Variants in RARB observed in about 807,000 individuals in gnomAD.
RARB encodes the protein HBV-activated protein.
Under a neutral mutation model 51.9 loss-of-function variants are expected in RARB, and 17 were observed. The observed-to-expected ratio is 0.33, with a 90% confidence interval of 0.22 to 0.49. RARB has a LOEUF of 0.49. Ranked by LOEUF, RARB falls within the 20% of genes least tolerant of loss-of-function variation. The pLI is 0.99. For missense variants in RARB, 369 were observed against 550.8 expected, an observed-to-expected ratio of 0.67 and a Z score of 3.30; for synonymous variants, 215 against 195.4, an observed-to-expected ratio of 1.10 and a Z score of -0.84.
At chr3:25,415,464 C>T (rs1707677995) in intron 5 of RARB, among the ~76,000 whole-genome samples, 1 of 152,084 alleles carries the variant, frequency 6.6e-6, no homozygotes, top group Non-Finnish European at 1.5e-5. Flanking sequence ...TTGGAAAATA[C>T]TATATTTTTC....
At chr3:25,248,369 G>T (rs1702620148) in intron 5 of RARB, among the ~76,000 whole-genome samples, 1 of 152,122 alleles carries the variant, frequency 6.6e-6, no homozygotes, top group Admixed American at 6.6e-5. Flanking sequence ...TTACATTCAA[G>T]ATTATTATTG....
Position 25,551,956 on chromosome 3 carries a change from C to A in RARB, c.449-17802C>A, listed in dbSNP as rs140413337. Reference sequence around the variant, plus strand: ...CTTTTTGAAGTTAGTTAGCTCAAGGCATTTTTTTTATAACCATGTTTCATA... The same window carrying A: ...CTTTTTGAAGTTAGTTAGCTCAAGGAATTTTTTTTATAACCATGTTTCATA... On this transcript the variant is annotated intron_variant, in intron 3 of 7. Transcript: ENST00000330688. Among the ~76,000 whole-genome samples, 4 of 152,260 alleles carry A rather than the reference C, an allele frequency of 2.6e-5. No individual in the cohort carries two copies. The East Asian group carries it at 7.7e-4, about 29-fold the overall frequency.
intron 4 of RARB, among the ~76,000 whole-genome samples, chr3:25,138,278 G>C (rs1413391032): frequency 6.6e-6 from 1 of 151,162 alleles, no homozygotes; most frequent in Non-Finnish European, 1.5e-5. Context: ...CCAGTTAGCT[G>C]TTTATATTTT....
chr3:25,509,354 A>G (rs1256380942), intron 3 of RARB, among the ~76,000 whole-genome samples: 1 of 152,208 alleles, frequency 6.6e-6, no homozygotes, highest in Non-Finnish European at 1.5e-5. Context: ...GTTGTCTGCT[A>G]CTGCTTCTTT....
At chr3:25,544,295 T>A (rs965336110) in intron 3 of RARB, among the ~76,000 whole-genome samples, 1 of 152,254 alleles carries the variant, frequency 6.6e-6, no homozygotes, top group Non-Finnish European at 1.5e-5. Context: ...ATTTATGTAT[T>A]CTTCTTAGCA....
intron 1 of RARB, among the ~76,000 whole-genome samples, chr3:25,456,201 G>T (rs1397600915): frequency 2.0e-5 from 3 of 152,140 alleles, no homozygotes; most frequent in African/African-American, 7.2e-5. Flanking sequence ...TAATTTAAAG[G>T]GACTAATAGA....
At chr3:25,238,216 C>A (rs1702349850) in intron 5 of RARB, among the ~76,000 whole-genome samples, 3 of 152,006 alleles carry the variant, frequency 2.0e-5, no homozygotes, top group Admixed American at 1.3e-4. Context: ...ATGAGATCCA[C>A]TTTTTTTAGT....
intron 2 of RARB, among the ~76,000 whole-genome samples, chr3:25,036,315 C>G (rs1181051875): frequency 1.3e-5 from 2 of 152,126 alleles, no homozygotes; most frequent in African/African-American, 4.8e-5. Context: ...AGCCATACCA[C>G]TAATCAGTAC....
At chr3:25,586,991 C>T (rs1470183227) in intron 5 of RARB, among the ~76,000 whole-genome samples, 3 of 152,172 alleles carry the variant, frequency 2.0e-5, no homozygotes, top group Non-Finnish European at 2.9e-5. Flanking sequence ...GCCAGTGTAG[C>T]GGTTAAGAGG....
intron 5 of RARB, among the ~76,000 whole-genome samples, chr3:25,185,881 A>G (rs1700963200): frequency 6.6e-6 from 1 of 152,162 alleles, no homozygotes; most frequent in Non-Finnish European, 1.5e-5. Context: ...TAAACATGTA[A>G]TAGAATTATA....
chr3:24,912,070 C>T (rs1695000079), intron 2 of RARB, among the ~76,000 whole-genome samples: 1 of 152,182 alleles, frequency 6.6e-6, no homozygotes. Flanking sequence ...TGCACATGGT[C>T]GCTAAACAAA....
intron 5 of RARB, among the ~76,000 whole-genome samples, chr3:25,240,937 A>T (rs2125395944): frequency 6.6e-6 from 1 of 152,280 alleles, no homozygotes; most frequent in East Asian, 1.9e-4. Flanking sequence ...GTAGAATTTG[A>T]CAATGAAGCC....
chr3:25,385,021 C>T (rs781589328), intron 5 of RARB, among the ~76,000 whole-genome samples: 7 of 152,144 alleles, frequency 4.6e-5, no homozygotes, highest in Admixed American at 1.3e-4. Flanking sequence ...TGAGGTCATA[C>T]ATTGAGTTGT....
rs114077711 is a variant in RARB at position 25,547,435 on chromosome 3, C to T, written c.449-22323C>T. On this transcript the variant is annotated intron_variant, in intron 3 of 7. Coordinates refer to ENST00000330688, the MANE Select transcript of RARB (RefSeq NM_000965.5). ...AAATGCTCAATAATTGCCATCTTCC[C>T]CCTTCCACTACTGTTCCCAGGAACA... Among the ~76,000 whole-genome samples, 134 of 152,288 alleles carry T rather than the reference C, an allele frequency of 8.8e-4. 2 individuals carry two copies. The highest frequency in any genetic ancestry group is 2.8e-3 in the African/African-American group (117 of 41,544).
At chr3:25,287,217 G>A (rs1703677780) in intron 5 of RARB, among the ~76,000 whole-genome samples, 1 of 151,970 alleles carries the variant, frequency 6.6e-6, no homozygotes, top group African/African-American at 2.4e-5. Context: ...GAACTCTGGT[G>A]TCGCTCCCTT....
intron 2 of RARB, among the ~76,000 whole-genome samples, chr3:24,996,769 C>T (rs1697048918): frequency 6.6e-6 from 1 of 151,798 alleles, no homozygotes; most frequent in Non-Finnish European, 1.5e-5. Flanking sequence ...TTTGAATGTT[C>T]CTCTTGTTGT....
At chr3:25,305,595 T>C (rs1324848899) in intron 5 of RARB, among the ~76,000 whole-genome samples, 2 of 152,096 alleles carry the variant, frequency 1.3e-5, no homozygotes, top group Non-Finnish European at 2.9e-5. Flanking sequence ...TCTGAACCTT[T>C]AGTAGAATCA....
chr3:24,944,180 C>G (rs1559406066), intron 2 of RARB, among the ~76,000 whole-genome samples: 1 of 152,178 alleles, frequency 6.6e-6, no homozygotes, highest in Non-Finnish European at 1.5e-5. Context: ...TGGCAGACCT[C>G]ACTTACATTC....
intron 3 of RARB, among the ~76,000 whole-genome samples, chr3:25,114,127 AGAGGTG>A (rs1699647437): frequency 6.6e-6 from 1 of 152,204 alleles, no homozygotes; most frequent in Non-Finnish European, 1.5e-5. Flanking sequence ...AAGGAGAGGT[AGAGGTG>A]GGGTAAGGCA....
Sources: allele counts gnomAD v4.1 joint callset (sites outside exome capture counted in the v4.1 genomes callset), GRCh38; gene constraint gnomAD v4.1.1; transcripts MANE v1.5; gene names NCBI Gene and HGNC (gene_info 2026-07-23, HGNC 2026-07-21).